Variants in LRRC2 observed in about 807,000 individuals in gnomAD.
The protein encoded by LRRC2 is leucine-rich repeat-containing protein 2.
LRRC2 carries 27 observed loss-of-function variants against 40.2 expected under a neutral mutation model. The ratio of observed to expected loss-of-function variants is 0.67; its 90% CI spans 0.49 to 0.93. The LOEUF (loss-of-function observed/expected upper bound fraction) is 0.93, where lower values mean the gene tolerates loss of function less well. Among genes scored for constraint, LRRC2 ranks in the 40% least tolerant of loss-of-function variants. The probability of loss-of-function intolerance (pLI) is 0.00; values close to 1 mark genes in which losing one functional copy is unlikely to be tolerated. For synonymous variants in LRRC2, 147 were observed against 158.9 expected (o/e 0.92, Z 0.56); for missense variants, 402 against 439.6 (o/e 0.91, Z 0.76).
At chr3:46,519,565 G>A (rs1703928581) in intron 8 of LRRC2, among the ~76,000 whole-genome samples, 1 of 152,136 alleles carries the variant, frequency 6.6e-6, no homozygotes. Flanking sequence ...CCAAAGTTTT[G>A]TCAAAGGATG....
In LRRC2 at chr3:46,538,979, T is replaced by C. The variant is rs542245299; in HGVS notation, c.490+66A>G. On this transcript the variant is annotated intron_variant, in intron 4 of 8. Transcript: ENST00000395905. ...AAACACGGTGTCTGCACAGTGTCTG[T>C]CACCTGCCTGACAGCTGCCTGCTTA... The C allele has an allele frequency of 2.4e-5, 37 of 1,527,728 alleles. No individual in the cohort carries two copies. In the African/African-American group the frequency reaches 5.1e-4, roughly 21 times the overall value. 94.6% of individuals were successfully genotyped at this position (1,527,728 alleles called of 1,614,324 possible). A position where few individuals can be genotyped will look rare whatever the true frequency, so the allele number is the denominator to read the frequency against.
In LRRC2 at chr3:46,529,996, T is replaced by G; in HGVS notation, c.682A>C (p.Ser228Arg). Residue 228 changes from serine to arginine, a missense_variant, in exon 6 of 9, where the codon AGT becomes CGT. By Grantham distance (110) the Ser-to-Arg change is moderately radical. Coordinates refer to ENST00000395905, the MANE Select transcript of LRRC2 (RefSeq NM_024512.5). The stretch of plus-strand genomic sequence containing the variant: ...ATCCGCAGGACACAGATTGGGACAC[T>G]GGAAAACTTGTTTGCTGAGATATCT... ...FVDISANKFS[S>R]VPICVLRMSN... 6.2e-7 allele frequency: 1 copy of G among 1,614,046 alleles called. No individual in the cohort carries two copies. The highest frequency in any genetic ancestry group is 1.1e-5 in the South Asian group (1 of 91,084).
chr3:46,527,856 T>C (rs1408880666), intron 6 of LRRC2, among the ~76,000 whole-genome samples: 2 of 152,068 alleles, frequency 1.3e-5, no homozygotes, highest in Non-Finnish European at 2.9e-5. Context: ...GACTCCTTCC[T>C]GAGTAACTAG....
At chr3:46,542,332 TA>T (rs11391659) in intron 3 of LRRC2, among the ~76,000 whole-genome samples, 1 of 150,730 alleles carries the variant, frequency 6.6e-6, no homozygotes, top group South Asian at 2.1e-4. Flanking sequence ...ACTCCATCTT[TA>T]AAAAAAAATT....
At chr3:46,540,631 A>G (rs909773565) in intron 3 of LRRC2, among the ~76,000 whole-genome samples, 1 of 152,204 alleles carries the variant, frequency 6.6e-6, no homozygotes, top group Non-Finnish European at 1.5e-5. Context: ...TCCACTACTG[A>G]GTTTGCAGAG....
chr3:46,528,000 A>T (rs1704090133), intron 6 of LRRC2, among the ~76,000 whole-genome samples: 1 of 152,200 alleles, frequency 6.6e-6, no homozygotes, highest in Non-Finnish European at 1.5e-5. Context: ...AAGTGTTGAG[A>T]TTACAGGCAT....
chr3:46,552,681 G>A (rs1189457812), intron 1 of LRRC2, among the ~76,000 whole-genome samples: 1 of 151,736 alleles, frequency 6.6e-6, no homozygotes, highest in Non-Finnish European at 1.5e-5. Flanking sequence ...AATATCCCCA[G>A]CCCTCATCAT....
At chr3:46,552,688 T>C (rs1704687572) in intron 1 of LRRC2, among the ~76,000 whole-genome samples, 1 of 151,832 alleles carries the variant, frequency 6.6e-6, no homozygotes, top group African/African-American at 2.4e-5. Flanking sequence ...CCAGCCCTCA[T>C]CATCTGAGGC....
At chr3:46,554,652 AAAAAAG>A (rs1301060531) in intron 1 of LRRC2, among the ~76,000 whole-genome samples, 1 of 151,882 alleles carries the variant, frequency 6.6e-6, no homozygotes, top group African/African-American at 2.4e-5. Flanking sequence ...AAAAAAAAAA[AAAAAAG>A]AAGAAGAAGA....
chr3:46,516,748 A>T lies in LRRC2; in HGVS notation c.*2266T>A. 1 of 152,334 alleles carries T rather than the reference A, an allele frequency of 6.6e-6. No homozygotes were observed. Among genetic ancestry groups the T allele is most frequent in the East Asian group, 1.9e-4 (1 of 5,206 alleles). The allele number at this position is 152,334 out of a possible 1,614,324, so 9.4% of individuals were successfully genotyped here. On this transcript the variant is annotated 3_prime_UTR_variant, in exon 9 of 9. Coordinates refer to ENST00000395905, the MANE Select transcript of LRRC2 (RefSeq NM_024512.5). Reference sequence around the variant, plus strand: ...TGAAAGATCAGCCGTGTTGCTAAACATGTAGAAGCCAGCCCAGCCCCCACC... The same window carrying T: ...TGAAAGATCAGCCGTGTTGCTAAACTTGTAGAAGCCAGCCCAGCCCCCACC...
At chr3:46,560,105 A>T (rs1245040572) in intron 1 of LRRC2, among the ~76,000 whole-genome samples, 2 of 152,218 alleles carry the variant, frequency 1.3e-5, no homozygotes, top group Admixed American at 1.3e-4. Context: ...TAGGACAGAG[A>T]TAAGTCCAGA....
intron 3 of LRRC2, among the ~76,000 whole-genome samples, chr3:46,543,618 T>TTAATAATAATAATAATAATAA (rs202012137): frequency 5.7e-5 from 6 of 105,104 alleles, no homozygotes; most frequent in African/African-American, 1.8e-4. Flanking sequence ...TCCATCTCAA[T>TTAATAATAATAATAATAATAA]TAATAATAAT....
chr3:46,542,849 C>G (rs1034535464), intron 3 of LRRC2, among the ~76,000 whole-genome samples: 3 of 152,234 alleles, frequency 2.0e-5, no homozygotes, highest in African/African-American at 7.2e-5. Context: ...GCTGGCCACA[C>G]AGCCTCAGCC....
chr3:46,528,440 A>G (rs1398971297), intron 6 of LRRC2, among the ~76,000 whole-genome samples: 1 of 152,070 alleles, frequency 6.6e-6, no homozygotes, highest in African/African-American at 2.4e-5. Context: ...CTCCTCTTGT[A>G]TATCTTTAAA....
In LRRC2 at chr3:46,533,732, TCC is replaced by T. The variant is rs1314774110; in HGVS notation, c.491-825_491-824del. 7.9e-4 allele frequency among the ~76,000 whole-genome samples: 111 copies of T among 139,696 alleles called. 1 individual carries two copies. The highest frequency in any genetic ancestry group is 1.9e-3 in the African/African-American group (72 of 37,018). The allele number at this position is 139,696 out of a possible 152,430, so 91.6% of individuals were successfully genotyped here. ...TTCCTTCCTTCCTTCCTTCCTTCCT[TCC>T]TTCCTTCCTTCCTTCTTCCTTCCCT... On this transcript the variant is annotated intron_variant, in intron 4 of 8. Coordinates refer to ENST00000395905, the MANE Select transcript of LRRC2 (RefSeq NM_024512.5).
intron 3 of LRRC2, among the ~76,000 whole-genome samples, chr3:46,540,555 T>C (rs1472095451): frequency 4.0e-5 from 6 of 149,750 alleles, no homozygotes; most frequent in Non-Finnish European, 8.9e-5. Flanking sequence ...ATAGGCAAAG[T>C]GAGCCCCTTT....
Position 46,516,376 on chromosome 3 carries a change from T to G in LRRC2, c.*2638A>C, listed in dbSNP as rs1468804723. The G allele has an allele frequency of 1.3e-5, 2 of 152,066 alleles. No individual in the cohort carries two copies. The highest frequency in any genetic ancestry group is 4.2e-4 in the South Asian group (2 of 4,818). The allele number at this position is 152,066 out of a possible 1,614,324, so 9.4% of individuals were successfully genotyped here. A position where few individuals can be genotyped will look rare whatever the true frequency, so the allele number is the denominator to read the frequency against. ...TGTTTTACACCTGTTGAGAATAAAA[T>G]GTTTGGACTTATGAGTAAGCCCACC... On this transcript the variant is annotated 3_prime_UTR_variant, in exon 9 of 9. Coordinates refer to ENST00000395905, the MANE Select transcript of LRRC2 (RefSeq NM_024512.5).
rs1703853353 is a variant in LRRC2, at chr3:46,515,952, C to CTCTTTTT, written c.*3061_*3062insAAAAAGA. The CTCTTTTT allele has an allele frequency of 8.5e-6, 1 of 117,094 alleles. No homozygotes were observed. Among genetic ancestry groups the CTCTTTTT allele is most frequent in the Non-Finnish European group, 1.6e-5 (1 of 60,958 alleles). 7.3% of individuals were successfully genotyped at this position (117,094 alleles called of 1,614,324 possible). On this transcript the variant is annotated 3_prime_UTR_variant, in exon 9 of 9. Coordinates refer to ENST00000395905, the MANE Select transcript of LRRC2 (RefSeq NM_024512.5). ...TTTCCTACTCTTTTCATCTCTCTCTCTTTTTTTTTTTTTTTTTTTTTTTTT... is the reference window on the plus strand; with the variant it reads ...TTTCCTACTCTTTTCATCTCTCTCTCTCTTTTTTTTTTTTTTTTTTTTTTTTTTTTTT...
At chr3:46,543,432 C>T (rs1268663668) in intron 3 of LRRC2, among the ~76,000 whole-genome samples, 2 of 151,916 alleles carry the variant, frequency 1.3e-5, no homozygotes, top group Non-Finnish European at 2.9e-5. Context: ...CTGGTTAACA[C>T]GGTGAAAACC....
Sources: gnomAD v4.1 joint callset for allele counts (sites outside exome capture counted in the v4.1 genomes callset) on GRCh38, gnomAD v4.1.1 for gene constraint, MANE v1.5 for transcripts, NCBI Gene and HGNC (gene_info 2026-07-23, HGNC 2026-07-21) for gene names.